The following CCDC7 variants were observed in gnomAD, a reference collection of about 807,000 sequenced individuals.
The protein encoded by CCDC7 is coiled-coil domain-containing protein 7.
CCDC7 carries 183 observed loss-of-function variants against 196.9 expected under a neutral mutation model. That is an observed-to-expected ratio of 0.93 (90% confidence interval 0.82 to 1.05). The LOEUF is 1.05. Among genes scored for constraint, CCDC7 ranks in the 50% least tolerant of loss-of-function variants. The pLI is 0.00. For missense variants in CCDC7, 1,540 were observed against 1,482.2 expected (o/e 1.04, Z -0.64); for synonymous variants, 525 against 484.6 (o/e 1.08, Z -1.10).
In CCDC7 at chr10:32,711,697, A is replaced by G. The variant is rs200508737; in HGVS notation, c.2536A>G (p.Ile846Val). Residue 846 changes from isoleucine to valine, a missense_variant, in exon 25 of 42, where the codon ATT (isoleucine) becomes GTT (valine). Transcript: ENST00000639629. The stretch of plus-strand genomic sequence containing the variant: ...GTCAAAAATCCAAGTGCAATTAGAG[A>G]TTCAAGAAACTTCTGAAGGAGAAGG... The G allele has an allele frequency of 3.2e-5, 51 of 1,590,760 alleles. No homozygotes were observed. In the Middle Eastern group the frequency reaches 1.5e-3, roughly 47 times the overall value.
intron 29 of CCDC7, among the ~76,000 whole-genome samples, chr10:32,795,994 T>G (rs573764392): frequency 6.6e-6 from 1 of 152,192 alleles, no homozygotes; most frequent in African/African-American, 2.4e-5. Flanking sequence ...CCACTCTTAG[T>G]AGCCACTGAT....
intron 18 of CCDC7, among the ~76,000 whole-genome samples, chr10:32,601,379 T>C (rs908702480): frequency 6.6e-6 from 1 of 152,238 alleles, no homozygotes; most frequent in African/African-American, 2.4e-5. Flanking sequence ...CCCTAAGTTA[T>C]GTTTTTCTTA....
Position 32,676,451 on chromosome 10 carries a change from A to T in CCDC7, c.2123-9519A>T, listed in dbSNP as rs572402632. 2.3e-4 allele frequency among the ~76,000 whole-genome samples: 34 copies of T among 151,046 alleles called. 1 individual carries two copies. The South Asian group carries it at 6.9e-3, about 31-fold the overall frequency. On this transcript the variant is annotated intron_variant, in intron 21 of 41. Coordinates refer to ENST00000639629, the Ensembl canonical transcript of CCDC7. ...ACAGGCAACCTACAAAATGGGAGAA[A>T]ATTTTCGCAACCTACTCATCTGACA...
intron 13 of CCDC7, among the ~76,000 whole-genome samples, chr10:32,562,149 G>A (rs886214141): frequency 6.6e-6 from 1 of 152,124 alleles, no homozygotes; most frequent in Admixed American, 6.5e-5. Context: ...TGAAATTGTG[G>A]CAATAATCAA....
chr10:32,780,065 C>T lies in CCDC7; in HGVS notation c.3013+981C>T, dbSNP rs532975230. Among the ~76,000 whole-genome samples, 15 of 152,108 alleles carry T rather than the reference C, an allele frequency of 9.9e-5. 1 individual carries two copies. Among genetic ancestry groups the T allele is most frequent in the Middle Eastern group, 3.4e-3 (1 of 294 alleles). On this transcript the variant is annotated intron_variant, in intron 29 of 41. Coordinates refer to ENST00000639629, the Ensembl canonical transcript of CCDC7. ...CATCCTGGCCAACATGGTGAAACCC[C>T]GTCTCTACAAAAATACAAAAAATTA... is the stretch of plus-strand genomic sequence containing the variant.
At chr10:32,744,385 A>AG (rs950158546) in intron 28 of CCDC7, among the ~76,000 whole-genome samples, 2 of 152,012 alleles carry the variant, frequency 1.3e-5, no homozygotes, top group East Asian at 3.9e-4. Flanking sequence ...AAAAAAAAAA[A>AG]AAAGAAACAG....
At chr10:32,865,863 G>A (rs771215432) in intron 41 of CCDC7, among the ~76,000 whole-genome samples, 2 of 151,770 alleles carry the variant, frequency 1.3e-5, no homozygotes, top group African/African-American at 2.4e-5. Flanking sequence ...CAGCCACCAT[G>A]TTTTCCCATT....
intron 11 of CCDC7, among the ~76,000 whole-genome samples, chr10:32,523,089 T>C (rs879912324): frequency 6.6e-6 from 1 of 152,256 alleles, no homozygotes; most frequent in Non-Finnish European, 1.5e-5. Flanking sequence ...ACATATGGTA[T>C]ATCCTTGAAA....
At chr10:32,734,413 G>A (rs993624447) in intron 28 of CCDC7, among the ~76,000 whole-genome samples, 3 of 151,992 alleles carry the variant, frequency 2.0e-5, no homozygotes, top group African/African-American at 7.2e-5. Flanking sequence ...AACACAAAGG[G>A]AACAAAAAAC....
upstream of CCDC7, among the ~76,000 whole-genome samples, chr10:32,450,092 G>C (rs2133311931): frequency 6.6e-6 from 1 of 152,336 alleles, no homozygotes; most frequent in East Asian, 1.9e-4. Context: ...GGGTGGCTTA[G>C]AACAACAGAA....
intron 20 of CCDC7, among the ~76,000 whole-genome samples, chr10:32,662,126 CAG>C (rs2071600210): frequency 6.6e-6 from 1 of 152,182 alleles, no homozygotes; most frequent in Non-Finnish European, 1.5e-5. Flanking sequence ...TCTGCCATGA[CAG>C]GGTAGCACTG....
intron 15 of CCDC7, 143 bp downstream of exon 16, chr10:32,568,034 G>A (rs148254737): frequency 0.017 from 13,673 of 824,330 alleles, 183 homozygotes; most frequent in Non-Finnish European, 0.019. Context: ...TTGAGATGGA[G>A]TCTTGCTCTG....
chr10:32,685,670 ATT>A (rs1356025783), intron 21 of CCDC7, among the ~76,000 whole-genome samples: 1 of 152,192 alleles, frequency 6.6e-6, no homozygotes. Context: ...GTACATATGT[ATT>A]TTTATTGTTT....
chr10:32,447,872 G>C (rs760750709), upstream of CCDC7, among the ~76,000 whole-genome samples: 2 of 152,186 alleles, frequency 1.3e-5, no homozygotes, highest in Non-Finnish European at 2.9e-5. Flanking sequence ...TTGTACTCCA[G>C]CCTGGGCGAC....
chr10:32,739,986 G>A (rs1381592851), intron 28 of CCDC7, among the ~76,000 whole-genome samples: 1 of 152,050 alleles, frequency 6.6e-6, no homozygotes, highest in Non-Finnish European at 1.5e-5. Context: ...TGTCATGGGA[G>A]GAGAAGCAAT....
At chr10:32,592,495 C>T (rs939786332) in intron 18 of CCDC7, among the ~76,000 whole-genome samples, 3 of 151,916 alleles carry the variant, frequency 2.0e-5, no homozygotes, top group African/African-American at 7.2e-5. Flanking sequence ...ACAACTTTCG[C>T]TGCATCTTAT....
intron 16 of CCDC7, among the ~76,000 whole-genome samples, chr10:32,579,690 A>G (rs561710684): frequency 3.1e-4 from 47 of 152,180 alleles, no homozygotes; most frequent in African/African-American, 9.6e-4. Context: ...CAAAAGAAAC[A>G]TCCTACTTAA....
intron 24 of CCDC7, among the ~76,000 whole-genome samples, chr10:32,704,109 C>T (rs182310445): frequency 6.6e-6 from 1 of 152,210 alleles, no homozygotes; most frequent in African/African-American, 2.4e-5. Flanking sequence ...TAGAATTTTC[C>T]ATTTTTCTGC....
At chr10:32,587,735 G>A (rs1055772090) in intron 18 of CCDC7, among the ~76,000 whole-genome samples, 4 of 152,092 alleles carry the variant, frequency 2.6e-5, no homozygotes, top group African/African-American at 9.7e-5. Context: ...TTTCCAATTT[G>A]GATGGCCTTT....
Sources: allele counts gnomAD v4.1 joint callset (sites outside exome capture counted in the v4.1 genomes callset), GRCh38; gene constraint gnomAD v4.1.1; transcripts MANE v1.5; gene names NCBI Gene and HGNC (gene_info 2026-07-23, HGNC 2026-07-21).